The following PPME1 variants were observed in gnomAD, a reference collection of about 807,000 sequenced individuals.
PPME1 encodes protein phosphatase methylesterase 1.
PPME1 carries 17 observed loss-of-function variants against 56.9 expected under a neutral mutation model. That is an observed-to-expected ratio of 0.30 (90% CI 0.20 to 0.45). PPME1 has a LOEUF of 0.45. Ranked by LOEUF, PPME1 falls within the 20% of genes least tolerant of loss-of-function variation. The probability of loss-of-function intolerance (pLI) is 1.00; values close to 1 mark genes in which losing one functional copy is unlikely to be tolerated. For missense variants in PPME1, 357 were observed against 483.2 expected, an observed-to-expected ratio of 0.74 and a Z score of 2.45; for synonymous variants, 122 against 156.2, an observed-to-expected ratio of 0.78 and a Z score of 1.63.
intron 1 of PPME1, among the ~76,000 whole-genome samples, chr11:74,188,166 A>G (rs997288851): frequency 1.3e-5 from 2 of 151,342 alleles, no homozygotes; most frequent in African/African-American, 4.9e-5. Flanking sequence ...TCGTGAGTTC[A>G]TATTGATATT....
chr11:74,235,132 A>G (rs1486641455), intron 7 of PPME1, among the ~76,000 whole-genome samples: 1 of 152,216 alleles, frequency 6.6e-6, no homozygotes, highest in Non-Finnish European at 1.5e-5. Context: ...ATGATTTTTT[A>G]AACTAAGAAA....
intron 1 of PPME1, among the ~76,000 whole-genome samples, chr11:74,180,369 T>C (rs1591013658): frequency 6.6e-6 from 1 of 152,324 alleles, no homozygotes; most frequent in African/African-American, 2.4e-5. Context: ...CTGTCTCCTT[T>C]AGTGCTAACT....
At chr11:74,197,581 C>T (rs547628723) in intron 1 of PPME1, among the ~76,000 whole-genome samples, 24 of 152,280 alleles carry the variant, frequency 1.6e-4, no homozygotes, top group Non-Finnish European at 3.1e-4. Flanking sequence ...CTCAGGCTTA[C>T]AGAACTGAAG....
rs1859044137 is a variant in PPME1 at position 74,230,705 on chromosome 11, G to T, written c.554-207G>T. 2 of 604,134 alleles carry T rather than the reference G, an allele frequency of 3.3e-6. No individual in the cohort carries two copies. Among genetic ancestry groups the T allele is most frequent in the East Asian group, 5.7e-5 (2 of 34,984 alleles). The allele number at this position is 604,134 out of a possible 1,614,324, so 37.4% of individuals were successfully genotyped here. A position where few individuals can be genotyped will look rare whatever the true frequency, so the allele number is the denominator to read the frequency against. ...CTTCAGAAGTCACACTGCTGCTTGT[G>T]AATACAAGTCATCCTCTTCAGTGTG... On this transcript the variant is annotated intron_variant, in intron 6 of 13. Transcript: ENST00000328257. This position sits in a 1 kb window ranked among gnomAD's most constrained non-coding sequence, Gnocchi z 4.9.
At chr11:74,200,397 G>A (rs1308823199) in intron 1 of PPME1, among the ~76,000 whole-genome samples, 1 of 147,600 alleles carries the variant, frequency 6.8e-6, no homozygotes, top group East Asian at 2.0e-4. Context: ...GTGTGTGTGT[G>A]TGTGGACGAA....
chr11:74,204,211 T>A (rs187310733), intron 2 of PPME1, 142 bp from the exon 3 acceptor site: 1 of 595,036 alleles, frequency 1.7e-6, no homozygotes, highest in African/African-American at 1.9e-5. Context: ...AGAGGGTTAG[T>A]GTCTCAGAAA....
chr11:74,202,942 G>A (rs181344043), intron 1 of PPME1, among the ~76,000 whole-genome samples: 7 of 152,070 alleles, frequency 4.6e-5, no homozygotes, highest in African/African-American at 9.6e-5. Context: ...CACGCATATC[G>A]TGTTCATCTT....
intron 1 of PPME1, among the ~76,000 whole-genome samples, chr11:74,192,617 A>G (rs923817549): frequency 6.6e-6 from 1 of 152,146 alleles, no homozygotes; most frequent in Non-Finnish European, 1.5e-5. Context: ...GGTGGGGCCT[A>G]GTGGGAGGTG....
At chr11:74,246,031 C>T in intron 9 of PPME1, 45 bp from the exon 10 acceptor site, 1 of 1,554,816 alleles carries the variant, frequency 6.4e-7, no homozygotes. Flanking sequence ...CCTGTTCCTC[C>T]AGGGGTTGCC....
intron 9 of PPME1, among the ~76,000 whole-genome samples, chr11:74,244,358 A>G (rs1205446402): frequency 6.6e-6 from 1 of 152,096 alleles, no homozygotes; most frequent in Non-Finnish European, 1.5e-5. Context: ...TGTTTTTCTT[A>G]TTGGTTGAAC....
At chr11:74,206,537 T>A (rs528518615) in intron 3 of PPME1, among the ~76,000 whole-genome samples, 56 of 152,262 alleles carry the variant, frequency 3.7e-4, no homozygotes, top group African/African-American at 1.3e-3. Flanking sequence ...AAAGAAAGAC[T>A]TGGGAGACAT....
intron 1 of PPME1, among the ~76,000 whole-genome samples, chr11:74,181,030 CTTTTT>C (rs1005872237): frequency 1.0e-5 from 1 of 96,148 alleles, no homozygotes; most frequent in African/African-American, 4.3e-5. Context: ...ATTTTCTTCA[CTTTTT>C]TTTTTTTTTT....
chr11:74,250,661 C>A (rs1470996742), intron 11 of PPME1: 1 of 312,668 alleles, frequency 3.2e-6, no homozygotes, highest in Non-Finnish European at 5.9e-6. Flanking sequence ...GTGTTTTACT[C>A]CCCTACTGGA....
In PPME1 at chr11:74,250,952, AG is replaced by A. The variant is rs1178604722; in HGVS notation, c.1011del. The stretch of plus-strand genomic sequence containing the variant: ...AGTTGCCTTGCTTTGATTCCTCTCC[AG>A]GGAAGTTCCAGATGCAGGTCCTACC... On this transcript the variant is annotated splice_acceptor_variant, in intron 11 of 13. Coordinates refer to ENST00000328257, the MANE Select transcript of PPME1 (RefSeq NM_016147.3). LOFTEE classifies it high-confidence loss of function. 6.3e-7 allele frequency: 1 copy of A among 1,596,946 alleles called. No homozygotes were observed. The highest frequency in any genetic ancestry group is 8.5e-7 in the Non-Finnish European group (1 of 1,171,376).
intron 8 of PPME1, among the ~76,000 whole-genome samples, chr11:74,236,977 AT>A (rs1408186861): frequency 6.6e-6 from 1 of 152,176 alleles, no homozygotes; most frequent in Non-Finnish European, 1.5e-5. Context: ...GTAGATAGCA[AT>A]TGGTTGATCC....
In PPME1 at chr11:74,204,343, C is replaced by G. The variant is rs190235003; in HGVS notation, c.196-10C>G. 6.3e-7 allele frequency: 1 copy of G among 1,595,982 alleles called. No individual in the cohort carries two copies. Among genetic ancestry groups the G allele is most frequent in the Admixed American group, 1.7e-5 (1 of 59,492 alleles). Reference sequence around the variant, plus strand: ...AAAAACATAGATGTTTTATCTTTAACTATTCATACACTTTTCGAGTCTACA... The same window carrying G: ...AAAAACATAGATGTTTTATCTTTAAGTATTCATACACTTTTCGAGTCTACA... On this transcript the variant is annotated splice_polypyrimidine_tract_variant and intron_variant, in intron 2 of 13. Coordinates refer to ENST00000328257, the MANE Select transcript of PPME1 (RefSeq NM_016147.3).
intron 3 of PPME1, among the ~76,000 whole-genome samples, chr11:74,208,157 C>CA (rs1858376449): frequency 6.6e-6 from 1 of 151,786 alleles, no homozygotes; most frequent in South Asian, 2.1e-4. Context: ...ACTAAAAATA[C>CA]AAAAATTAGC....
At chr11:74,185,854 C>G (rs1354820361) in intron 1 of PPME1, among the ~76,000 whole-genome samples, 2 of 152,108 alleles carry the variant, frequency 1.3e-5, no homozygotes, top group African/African-American at 4.8e-5. Context: ...GCACTTTAAG[C>G]AAAGTATATT....
chr11:74,200,357 T>TTG (rs71919163), intron 1 of PPME1, among the ~76,000 whole-genome samples: 3,213 of 145,856 alleles, frequency 0.022, 50 homozygotes, highest in East Asian at 0.09. Flanking sequence ...GTCATGTGTT[T>TTG]TGTGTGTGTG....
Sources: gnomAD v4.1 joint callset for allele counts (sites outside exome capture counted in the v4.1 genomes callset) on GRCh38, gnomAD v4.1.1 for gene constraint, Gnocchi (gnomAD v3.1) non-coding constraint, MANE v1.5 for transcripts, NCBI Gene and HGNC (gene_info 2026-07-23, HGNC 2026-07-21) for gene names.